SPAG17: variants seen among roughly 807,000 people sequenced by gnomAD.
SPAG17 encodes the protein sperm-associated antigen 17.
A neutral mutation model predicts 273.6 loss-of-function variants in SPAG17; 169 were observed. The observed-to-expected ratio is 0.62, with a 90% CI of 0.55 to 0.70. The LOEUF (loss-of-function observed/expected upper bound fraction) is 0.70, where lower values mean the gene tolerates loss of function less well. Ranked by LOEUF, SPAG17 falls within the 30% of genes least tolerant of loss-of-function variation. SPAG17 has a pLI of 0.00. For missense variants in SPAG17, 2,557 were observed against 2,627.8 expected (o/e 0.97, Z 0.59); for synonymous variants, 825 against 873.2 (o/e 0.94, Z 0.97).
chr1:118,086,150 A>G, intron 12 of SPAG17, 78 bp from the exon 13 acceptor site: 2 of 1,281,340 alleles, frequency 1.6e-6, no homozygotes, highest in South Asian at 1.3e-5. Flanking sequence ...AAGGCTAAAC[A>G]TGATACCTTC....
intron 15 of SPAG17, among the ~76,000 whole-genome samples, chr1:118,075,596 G>A (rs897050364): frequency 1.3e-5 from 2 of 152,178 alleles, no homozygotes; most frequent in African/African-American, 4.8e-5. Flanking sequence ...GTGGGAGGTG[G>A]ATTTTGTGGG....
At chr1:118,099,911 T>A (rs1655954681) in intron 5 of SPAG17, 111 bp from the exon 6 acceptor site, 3 of 890,656 alleles carry the variant, frequency 3.4e-6, no homozygotes, top group Non-Finnish European at 5.0e-6. Flanking sequence ...TCCCTCTGGC[T>A]TGCCAAAAAT....
At chr1:118,092,904 A>G (rs886460120) in intron 8 of SPAG17, among the ~76,000 whole-genome samples, 4 of 152,216 alleles carry the variant, frequency 2.6e-5, no homozygotes, top group Non-Finnish European at 5.9e-5. Flanking sequence ...TACTTTGTCA[A>G]TATCTTTCCT....
chr1:118,103,602 C>T (rs1656206260), intron 4 of SPAG17, among the ~76,000 whole-genome samples: 1 of 152,058 alleles, frequency 6.6e-6, no homozygotes. Context: ...TGGGGCTCGG[C>T]TCTGCCCCTT....
Position 118,073,950 on chromosome 1 carries a change from C to T in SPAG17, c.2289G>A (p.Met763Ile). 6.4e-7 allele frequency: 1 copy of T among 1,560,318 alleles called. No individual in the cohort carries two copies. Among genetic ancestry groups the T allele is most frequent in the Non-Finnish European group, 8.6e-7 (1 of 1,161,920 alleles). ...DSHEKKPKKM[M>I]VEADLEDIKK... ...TTATGTCCTCTAAATCTGCTTCCAC[C>T]ATCATCTTCTTGGGTTTCTAAAATA... Residue 763 changes from methionine to isoleucine, a missense_variant, in exon 17 of 49, where the codon ATG becomes ATA. Physicochemically the swap from Met to Ile is conservative, Grantham distance 10 (BLOSUM62 1). Transcript: ENST00000336338.
intron 4 of SPAG17, among the ~76,000 whole-genome samples, chr1:118,104,372 T>G (rs1656259358): frequency 6.6e-6 from 1 of 152,214 alleles, no homozygotes; most frequent in African/African-American, 2.4e-5. Context: ...TTACTTAAGG[T>G]GGACAGAATA....
Position 118,067,539 on chromosome 1 carries a change from G to A in SPAG17, c.2386-640C>T, listed in dbSNP as rs1050456487. On this transcript the variant is annotated intron_variant, in intron 17 of 48. Transcript: ENST00000336338. ...CGCAAAGGCACAAGCCAGGAAGGGA[G>A]TCCTCAACAAAACTCAACCATGCCA... Among the ~76,000 whole-genome samples, 3 of 152,300 alleles carry A rather than the reference G, an allele frequency of 2.0e-5. No individual in the cohort carries two copies. The East Asian group carries it at 5.8e-4, about 29-fold the overall frequency.
intron 13 of SPAG17, 53 bp downstream of exon 13, chr1:118,085,869 T>C: frequency 6.6e-7 from 1 of 1,510,196 alleles, no homozygotes; most frequent in Non-Finnish European, 8.9e-7. Flanking sequence ...TTAAGAGGCA[T>C]ATATGACCAT....
intron 17 of SPAG17, among the ~76,000 whole-genome samples, chr1:118,068,359 A>G (rs919380367): frequency 1.3e-5 from 2 of 152,132 alleles, no homozygotes; most frequent in Admixed American, 6.5e-5. Context: ...GCATTTTAAA[A>G]TATTGTTATG....
chr1:117,994,381 TG>T (rs769939368), intron 35 of SPAG17, 24 bp downstream of exon 35: 17 of 1,606,210 alleles, frequency 1.1e-5, no homozygotes, highest in Non-Finnish European at 1.2e-5. Flanking sequence ...GCTAATAAAA[TG>T]ACTTTTTAGA....
At chr1:118,086,502 T>C (rs2798150) in intron 12 of SPAG17, among the ~76,000 whole-genome samples, 169 bp downstream of exon 12, 150,764 of 152,324 alleles carry the variant, frequency 0.99, 74,632 homozygotes, top group East Asian at 1. Context: ...ATCATTTTTC[T>C]CTGTATCTAG....
intron 3 of SPAG17, among the ~76,000 whole-genome samples, chr1:118,149,685 G>A (rs1212975035): frequency 2.0e-5 from 3 of 152,146 alleles, no homozygotes; most frequent in Admixed American, 1.3e-4. Context: ...TAAATAGACC[G>A]TATGTAATCA....
At chr1:118,067,537 G>A (rs868191013) in intron 17 of SPAG17, among the ~76,000 whole-genome samples, 3 of 152,144 alleles carry the variant, frequency 2.0e-5, no homozygotes, top group African/African-American at 7.2e-5. Context: ...GCCAGGAAGG[G>A]AGTCCTCAAC....
At chr1:117,957,095 G>T (rs1652316247) in intron 48 of SPAG17, 3 of 1,600,992 alleles carry the variant, frequency 1.9e-6, no homozygotes. Context: ...TACTTGTGCT[G>T]CCTTTCTCTT....
chr1:118,124,132 T>C (rs774133503), intron 3 of SPAG17, among the ~76,000 whole-genome samples: 11 of 152,222 alleles, frequency 7.2e-5, no homozygotes, highest in African/African-American at 1.7e-4. Context: ...TATGGAAGAA[T>C]GACATACCAA....
chr1:118,075,616 T>C (rs1187408320), intron 15 of SPAG17, among the ~76,000 whole-genome samples: 3 of 152,208 alleles, frequency 2.0e-5, no homozygotes, highest in African/African-American at 4.8e-5. Context: ...GAATATACTT[T>C]GATGCTGCTG....
At chr1:118,119,322 A>G (rs1358929606) in intron 3 of SPAG17, among the ~76,000 whole-genome samples, 1 of 152,160 alleles carries the variant, frequency 6.6e-6, no homozygotes, top group Non-Finnish European at 1.5e-5. Flanking sequence ...GAGGTTGTGT[A>G]AAGATTTGGA....
At position 118,005,815 on chromosome 1, in the gene SPAG17, TC is replaced by T. The variant is rs376369862; in HGVS notation, c.4588-214del. Among the ~76,000 whole-genome samples, 47 of 152,316 alleles carry T rather than the reference TC, an allele frequency of 3.1e-4. 2 individuals are homozygous for T. In the East Asian group the frequency reaches 6.4e-3, roughly 21 times the overall value. The stretch of plus-strand genomic sequence containing the variant: ...TAGTTAGGATATCATTTCTCCTGTA[TC>T]CTCATATCTTATCTGCTCGCTTTAA... On this transcript the variant is annotated intron_variant, in intron 31 of 48. Transcript: ENST00000336338.
intron 18 of SPAG17, among the ~76,000 whole-genome samples, chr1:118,063,799 A>G (rs1052253079): frequency 6.6e-6 from 1 of 152,186 alleles, no homozygotes; most frequent in Non-Finnish European, 1.5e-5. Flanking sequence ...TGAACAGGCA[A>G]CCTACAAAAT....
Sources: gnomAD v4.1 joint callset for allele counts (sites outside exome capture counted in the v4.1 genomes callset) on GRCh38, gnomAD v4.1.1 for gene constraint, MANE v1.5 for transcripts, NCBI Gene and HGNC (gene_info 2026-07-23, HGNC 2026-07-21) for gene names.